Variants in KCNAB1 observed in about 807,000 individuals in gnomAD.
KCNAB1 encodes voltage-gated potassium channel subunit beta-1.
Under a neutral mutation model 64.6 loss-of-function variants are expected in KCNAB1, and 35 were observed. The ratio of observed to expected loss-of-function variants is 0.54; its 90% confidence interval spans 0.41 to 0.72. KCNAB1 has a LOEUF of 0.72. Among genes scored for constraint, KCNAB1 ranks in the 30% least tolerant of loss-of-function variants. KCNAB1 has a pLI of 0.00. For missense variants in KCNAB1, 401 were observed against 512.9 expected (o/e 0.78, Z 2.11); for synonymous variants, 177 against 183.8 (o/e 0.96, Z 0.30).
chr3:156,457,121 T>TGGCC (rs748962619), intron 3 of KCNAB1: 203 of 804,602 alleles, frequency 2.5e-4, no homozygotes, highest in Non-Finnish European at 3.0e-4. Flanking sequence ...GTGATACAAA[T>TGGCC]GGCCCTCTTT....
chr3:156,216,750 T>C (rs1560141014), intron 1 of KCNAB1, among the ~76,000 whole-genome samples: 1 of 152,082 alleles, frequency 6.6e-6, no homozygotes, highest in African/African-American at 2.4e-5. Flanking sequence ...TTTGGACAAT[T>C]AGGTAGTTTT....
rs967032867 is a variant in KCNAB1 at position 156,537,454 on chromosome 3, G to A, written c.*707G>A. 5.0e-5 allele frequency: 8 copies of A among 158,548 alleles called. No homozygotes were observed. Among genetic ancestry groups the A allele is most frequent in the Non-Finnish European group, 9.7e-5 (7 of 72,274 alleles). 9.8% of individuals were successfully genotyped at this position (158,548 alleles called of 1,614,324 possible). A position where few individuals can be genotyped will look rare whatever the true frequency, so the allele number is the denominator to read the frequency against. On this transcript the variant is annotated 3_prime_UTR_variant, in exon 14 of 14. Coordinates refer to ENST00000490337, the MANE Select transcript of KCNAB1 (RefSeq NM_172160.3). ...AGAATGGCCTTGTACAACTTATCCA[G>A]AATGTCTATTAGGATTCTAATGTTA...
rs77856316 is a variant in KCNAB1 at position 156,131,055 on chromosome 3, C to T, written c.275+10169C>T. On this transcript the variant is annotated intron_variant, in intron 1 of 13. Coordinates refer to ENST00000490337, the MANE Select transcript of KCNAB1 (RefSeq NM_172160.3). ...TGAGTTTAAGTCAGGCTTTGGCCAT[C>T]TCCTTCTCATCCTAGCTCTGAGAGC... 8.9e-3 allele frequency among the ~76,000 whole-genome samples: 1,351 copies of T among 152,346 alleles called. 29 individuals are homozygous for T. The highest frequency in any genetic ancestry group is 0.031 in the African/African-American group (1,302 of 41,574).
At chr3:156,411,239 T>C (rs1714639799) in intron 1 of KCNAB1, among the ~76,000 whole-genome samples, 1 of 152,214 alleles carries the variant, frequency 6.6e-6, no homozygotes, top group African/African-American at 2.4e-5. Context: ...ATGTCTTCTT[T>C]GGTGAAGTAT....
chr3:156,352,005 C>T (rs1368602312), intron 1 of KCNAB1, among the ~76,000 whole-genome samples: 1 of 152,216 alleles, frequency 6.6e-6, no homozygotes, highest in Non-Finnish European at 1.5e-5. Context: ...CTGCACTGTC[C>T]TGGGACACTG....
At chr3:156,301,627 A>G (rs1343984274) in intron 1 of KCNAB1, among the ~76,000 whole-genome samples, 1 of 152,236 alleles carries the variant, frequency 6.6e-6, no homozygotes, top group African/African-American at 2.4e-5. Context: ...ATAATGGCTT[A>G]TATTTCATTT....
chr3:156,420,352 G>A (rs754096683), intron 1 of KCNAB1, among the ~76,000 whole-genome samples: 6 of 152,202 alleles, frequency 3.9e-5, no homozygotes, highest in Non-Finnish European at 8.8e-5. Context: ...TCAAAAGCCC[G>A]GGTCTTTCAA....
intron 1 of KCNAB1, among the ~76,000 whole-genome samples, chr3:156,282,936 C>A (rs1402711601): frequency 6.6e-6 from 1 of 151,586 alleles, no homozygotes. Context: ...CAGTCTGTGT[C>A]TTTTAATTGG....
rs772713608 is a variant in KCNAB1, at chr3:156,407,937, C to G, written c.276-13679C>G. 9.9e-5 allele frequency among the ~76,000 whole-genome samples: 15 copies of G among 152,256 alleles called. 1 individual carries two copies. The South Asian group carries it at 1.5e-3, about 15-fold the overall frequency. On this transcript the variant is annotated intron_variant, in intron 1 of 13. Coordinates refer to ENST00000490337, the MANE Select transcript of KCNAB1 (RefSeq NM_172160.3). ...TTTCCTTCTGCTCTATTTTCTTACC[C>G]CGTTGTTTCTGGCTGAGGGCTGATG...
chr3:156,141,566 C>T (rs996765229), intron 1 of KCNAB1, among the ~76,000 whole-genome samples: 9 of 151,842 alleles, frequency 5.9e-5, no homozygotes, highest in Non-Finnish European at 2.9e-5. Flanking sequence ...GTAAGCCTCT[C>T]GAGATTTATT....
At chr3:156,328,643 T>C (rs1723138623) in intron 1 of KCNAB1, among the ~76,000 whole-genome samples, 1 of 152,218 alleles carries the variant, frequency 6.6e-6, no homozygotes, top group Admixed American at 6.6e-5. Flanking sequence ...TTGCAGCTTG[T>C]CTGTCCTTTC....
At chr3:156,399,224 C>T (rs1196861456) in intron 1 of KCNAB1, among the ~76,000 whole-genome samples, 1 of 152,174 alleles carries the variant, frequency 6.6e-6, no homozygotes, top group Non-Finnish European at 1.5e-5. Flanking sequence ...TGCAATCTGT[C>T]TGGTGTTTCA....
At chr3:156,171,869 C>A (rs918695697) in intron 1 of KCNAB1, among the ~76,000 whole-genome samples, 2 of 152,188 alleles carry the variant, frequency 1.3e-5, no homozygotes, top group Admixed American at 6.5e-5. Context: ...CTTATTTTTA[C>A]AAATCACAGA....
chr3:156,501,810 A>T (rs1010988377), intron 8 of KCNAB1, among the ~76,000 whole-genome samples: 7 of 152,158 alleles, frequency 4.6e-5, no homozygotes, highest in Non-Finnish European at 1.5e-5. Context: ...GGGAAGAAAA[A>T]GATGTTTAAT....
At chr3:156,304,546 A>G (rs766088522) in intron 1 of KCNAB1, among the ~76,000 whole-genome samples, 3 of 152,368 alleles carry the variant, frequency 2.0e-5, no homozygotes, top group Middle Eastern at 3.4e-3. Flanking sequence ...ATAGTGACTC[A>G]GGATTAAAAG....
chr3:156,345,652 C>T (rs1724437482), intron 1 of KCNAB1, among the ~76,000 whole-genome samples: 1 of 152,152 alleles, frequency 6.6e-6, no homozygotes, highest in Admixed American at 6.5e-5. Flanking sequence ...GATAGAGGGA[C>T]AGGATAGTAG....
intron 1 of KCNAB1, among the ~76,000 whole-genome samples, chr3:156,371,366 TAAA>T (rs1214763223): frequency 3.9e-5 from 6 of 152,106 alleles, no homozygotes; most frequent in Non-Finnish European, 7.4e-5. Context: ...ATTGGGAGGG[TAAA>T]GTCAAACAGC....
intron 2 of KCNAB1, among the ~76,000 whole-genome samples, chr3:156,433,632 G>A (rs1716381800): frequency 1.3e-5 from 2 of 152,316 alleles, no homozygotes; most frequent in South Asian, 2.1e-4. Flanking sequence ...AGGGGAGGAA[G>A]TGACCACCTC....
At chr3:156,248,813 C>T (rs919869199) in intron 1 of KCNAB1, among the ~76,000 whole-genome samples, 19 of 152,168 alleles carry the variant, frequency 1.2e-4, no homozygotes, top group East Asian at 3.9e-4. Flanking sequence ...TGAAGCTCCA[C>T]GTGATATGAG....
Sources: gnomAD v4.1 joint callset for allele counts (sites outside exome capture counted in the v4.1 genomes callset) on GRCh38, gnomAD v4.1.1 for gene constraint, MANE v1.5 for transcripts, NCBI Gene and HGNC (gene_info 2026-07-23, HGNC 2026-07-21) for gene names.